SBNO2: variants seen among roughly 807,000 people sequenced by gnomAD.
SBNO2 encodes strawberry notch homolog 2.
SBNO2 carries 89 observed loss-of-function variants against 146.3 expected under a neutral mutation model. The ratio of observed to expected loss-of-function variants is 0.61; its 90% CI spans 0.51 to 0.73. The LOEUF (loss-of-function observed/expected upper bound fraction) is 0.73, where lower values mean the gene tolerates loss of function less well. SBNO2 is among the 30% of genes least tolerant of loss of function. SBNO2 has a pLI of 0.00. For synonymous variants in SBNO2, 1,147 were observed against 892.6 expected (o/e 1.29, Z -5.08); for missense variants, 2,092 against 2,003.7 (o/e 1.04, Z -0.84).
At chr19:1,130,234 T>G (rs140260809) in intron 4 of SBNO2, among the ~76,000 whole-genome samples, 147 of 152,212 alleles carry the variant, frequency 9.7e-4, no homozygotes, top group African/African-American at 3.3e-3. Context: ...TCATCAGCCG[T>G]GACAGCCACA....
chr19:1,170,602 G>A (rs536575679), intron 1 of SBNO2, among the ~76,000 whole-genome samples: 1 of 152,220 alleles, frequency 6.6e-6, no homozygotes, highest in African/African-American at 2.4e-5. Flanking sequence ...TTCCAGGCCT[G>A]CCCGCAACAA....
chr19:1,114,727 T>C (rs1490402388), intron 17 of SBNO2, among the ~76,000 whole-genome samples: 8 of 152,202 alleles, frequency 5.3e-5, no homozygotes, highest in Admixed American at 5.2e-4. Context: ...CTCTGCCTCC[T>C]GGATTCAAGC....
rs2079733170 is a variant in SBNO2 at position 1,109,806 on chromosome 19, G to A, written c.3029-29C>T. The A allele has an allele frequency of 3.9e-6, 6 of 1,521,470 alleles. No homozygotes were observed. Among genetic ancestry groups the A allele is most frequent in the East Asian group, 2.3e-5 (1 of 44,154 alleles). 94.2% of individuals were successfully genotyped at this position (1,521,470 alleles called of 1,614,324 possible). ...GGGGGGCGGGTGGAGGGTAAGTGGTGTCCAGGCCTGGGACTGTGGGCTGGG... is the reference window on the plus strand; with the variant it reads ...GGGGGGCGGGTGGAGGGTAAGTGGTATCCAGGCCTGGGACTGTGGGCTGGG... On this transcript the variant is annotated intron_variant, in intron 26 of 31. Coordinates refer to ENST00000361757, the MANE Select transcript of SBNO2 (RefSeq NM_014963.3). The surrounding 1 kb of genome is among the most constrained non-coding windows in gnomAD (Gnocchi z 4.2).
intron 12 of SBNO2, 77 bp downstream of exon 12, chr19:1,119,829 G>T (rs1024690244): frequency 8.5e-7 from 1 of 1,172,160 alleles, no homozygotes; most frequent in Non-Finnish European, 1.2e-6. Context: ...GTACGCGTGT[G>T]GGATACCCCT....
intron 4 of SBNO2, among the ~76,000 whole-genome samples, chr19:1,146,499 A>C (rs2080191084): frequency 6.6e-6 from 1 of 151,998 alleles, no homozygotes; most frequent in Admixed American, 6.6e-5. Flanking sequence ...TGCCCATTAC[A>C]CAGGGGAAGC....
chr19:1,160,418 G>A (rs548348241), intron 1 of SBNO2, among the ~76,000 whole-genome samples: 16 of 152,338 alleles, frequency 1.1e-4, no homozygotes, highest in African/African-American at 3.6e-4. Context: ...TTACAATGGC[G>A]GCCGCCTGGC....
In SBNO2 at chr19:1,108,499, G is replaced by A; in HGVS notation, c.3822C>T (p.Phe1274=). The change falls in exon 32 of 32, where the codon TTC becomes TTT. Residue 1274 remains phenylalanine, a synonymous_variant. Transcript: ENST00000361757. The part of the protein sequence containing the change: ...PAEAFPPPPH[F]SFPAPLSLDA... ...CCAGGGACAGCGGCGCCGGGAAAGA[G>A]AAGTGCGGGGGCGGCGGGAAGGCCT... The A allele has an allele frequency of 1.6e-6, 2 of 1,218,642 alleles. No homozygotes were observed. Among genetic ancestry groups the A allele is most frequent in the Non-Finnish European group, 2.0e-6 (2 of 976,276 alleles). The allele number at this position is 1,218,642 out of a possible 1,614,324, so 75.5% of individuals were successfully genotyped here. A position where few individuals can be genotyped will look rare whatever the true frequency, so the allele number is the denominator to read the frequency against.
chr19:1,123,761 GCT>G, intron 6 of SBNO2, 122 bp from the exon 7 acceptor site: 1 of 1,105,668 alleles, frequency 9.0e-7, no homozygotes, highest in East Asian at 2.6e-5. Context: ...GTGGGAGACG[GCT>G]CTGTCTGCCC....
chr19:1,162,329 G>A (rs371981017), intron 1 of SBNO2, among the ~76,000 whole-genome samples: 2 of 149,048 alleles, frequency 1.3e-5, no homozygotes, highest in Non-Finnish European at 3.0e-5. Context: ...GCGTGGTGGC[G>A]GGTGCCTGTA....
At chr19:1,160,875 T>C (rs762807152) in intron 1 of SBNO2, among the ~76,000 whole-genome samples, 4 of 151,546 alleles carry the variant, frequency 2.6e-5, no homozygotes, top group Non-Finnish European at 5.9e-5. Context: ...TGTAACTCAC[T>C]AGACTGTGGC....
chr19:1,132,044 AC>A, intron 4 of SBNO2: 2 of 1,438,658 alleles, frequency 1.4e-6, no homozygotes, highest in Non-Finnish European at 1.9e-6. Context: ...CACCTCCCAG[AC>A]CCCTGCCCCC....
At chr19:1,116,991 T>C (rs988345092) in intron 15 of SBNO2, 65 bp from the exon 16 acceptor site, 11 of 1,439,190 alleles carry the variant, frequency 7.6e-6, no homozygotes, top group Non-Finnish European at 9.4e-6. Flanking sequence ...GGCCAGAACC[T>C]GCCAGGCCTG....
intron 1 of SBNO2, among the ~76,000 whole-genome samples, chr19:1,162,134 G>A (rs1327908522): frequency 2.0e-5 from 3 of 149,022 alleles, no homozygotes; most frequent in East Asian, 2.0e-4. Context: ...GAGCAGGGAT[G>A]GGGTCTTTTA....
intron 4 of SBNO2, among the ~76,000 whole-genome samples, chr19:1,145,706 C>A (rs1008264548): frequency 6.6e-6 from 1 of 152,102 alleles, no homozygotes; most frequent in African/African-American, 2.4e-5. Context: ...TGGACAGGCG[C>A]CTCCCCTGCC....
At chr19:1,128,381 G>A (rs2079991816) in intron 4 of SBNO2, 1 of 324,822 alleles carries the variant, frequency 3.1e-6, no homozygotes, top group African/African-American at 2.3e-5. Flanking sequence ...TGAAGGAGAT[G>A]TATGTACATC....
Position 1,154,611 on chromosome 19 carries a change from C to T in SBNO2, c.-126-209G>A, listed in dbSNP as rs141837990. On this transcript the variant is annotated intron_variant, in intron 1 of 31. Coordinates refer to ENST00000361757, the MANE Select transcript of SBNO2 (RefSeq NM_014963.3). Reference sequence around the variant, plus strand: ...CCCAACTCCTTTGTGCTGCCCACAGCGCCTTTCCTGGCCTCCCCGGCCCCA... The same window carrying T: ...CCCAACTCCTTTGTGCTGCCCACAGTGCCTTTCCTGGCCTCCCCGGCCCCA... 1.8e-3 allele frequency among the ~76,000 whole-genome samples: 275 copies of T among 152,286 alleles called. 1 individual carries two copies. Among genetic ancestry groups the T allele is most frequent in the African/African-American group, 6.3e-3 (260 of 41,554 alleles).
At position 1,109,828 on chromosome 19, in the gene SBNO2, TG is replaced by T; in HGVS notation, c.3029-52del. 7.3e-7 allele frequency: 1 copy of T among 1,364,212 alleles called. No homozygotes were observed. The highest frequency in any genetic ancestry group is 1.0e-6 in the Non-Finnish European group (1 of 980,836). 84.5% of individuals were successfully genotyped at this position (1,364,212 alleles called of 1,614,324 possible). A position where few individuals can be genotyped will look rare whatever the true frequency, so the allele number is the denominator to read the frequency against. On this transcript the variant is annotated intron_variant, in intron 26 of 31. Coordinates refer to ENST00000361757, the MANE Select transcript of SBNO2 (RefSeq NM_014963.3). This position sits in a 1 kb window ranked among gnomAD's most constrained non-coding sequence, Gnocchi z 4.2. Reference sequence around the variant, plus strand: ...GGTGTCCAGGCCTGGGACTGTGGGCTGGGGCCAGGGTCAGTCCCGTAGCCGG... The same window carrying T: ...GGTGTCCAGGCCTGGGACTGTGGGCTGGGCCAGGGTCAGTCCCGTAGCCGG...
At chr19:1,135,369 T>G (rs1420344330) in intron 4 of SBNO2, among the ~76,000 whole-genome samples, 2 of 152,184 alleles carry the variant, frequency 1.3e-5, no homozygotes, top group East Asian at 1.9e-4. Flanking sequence ...CTCAAATAAA[T>G]AAAGTGGATT....
At chr19:1,172,394 G>C (rs1471200365) in intron 1 of SBNO2, among the ~76,000 whole-genome samples, 1 of 152,176 alleles carries the variant, frequency 6.6e-6, no homozygotes, top group African/African-American at 2.4e-5. Flanking sequence ...CCACGACCAG[G>C]GTCACCCCTG....
Sources: gnomAD v4.1 joint callset for allele counts (sites outside exome capture counted in the v4.1 genomes callset) on GRCh38, gnomAD v4.1.1 for gene constraint, Gnocchi (gnomAD v3.1) non-coding constraint, MANE v1.5 for transcripts, NCBI Gene and HGNC (gene_info 2026-07-23, HGNC 2026-07-21) for gene names.